Variants in FOXN3 observed in about 807,000 individuals in gnomAD.
FOXN3 encodes forkhead box N3.
A neutral mutation model predicts 38.4 loss-of-function variants in FOXN3; 7 were observed. That is an observed-to-expected ratio of 0.18 (90% CI 0.10 to 0.34). FOXN3 has a LOEUF of 0.34. FOXN3 is among the 10% of genes least tolerant of loss of function. FOXN3 has a pLI of 1.00. For missense variants in FOXN3, 456 were observed against 613.4 expected, an observed-to-expected ratio of 0.74 and a Z score of 2.71; for synonymous variants, 230 against 242.2, an observed-to-expected ratio of 0.95 and a Z score of 0.47.
At chr14:89,347,195 A>C (rs1285303819) in intron 3 of FOXN3, among the ~76,000 whole-genome samples, 2 of 152,188 alleles carry the variant, frequency 1.3e-5, no homozygotes, top group African/African-American at 4.8e-5. Flanking sequence ...GGCCATTGAA[A>C]ATGTAATTAG....
At chr14:89,595,730 T>C (rs1022459793) in intron 1 of FOXN3, among the ~76,000 whole-genome samples, 1 of 152,214 alleles carries the variant, frequency 6.6e-6, no homozygotes, top group African/African-American at 2.4e-5. Flanking sequence ...TGTGCAATAA[T>C]GAATAGAAGT....
At chr14:89,393,257 T>C (rs958568419) in intron 2 of FOXN3, among the ~76,000 whole-genome samples, 11 of 152,210 alleles carry the variant, frequency 7.2e-5, no homozygotes, top group Admixed American at 1.3e-4. Context: ...CTTCTTTTTA[T>C]AAGAATGCCA....
At chr14:89,243,758 A>G (rs1885208772) in intron 4 of FOXN3, among the ~76,000 whole-genome samples, 1 of 152,240 alleles carries the variant, frequency 6.6e-6, no homozygotes, top group Non-Finnish European at 1.5e-5. Flanking sequence ...AATTACCTCA[A>G]CAATCCTATT....
intron 1 of FOXN3, among the ~76,000 whole-genome samples, chr14:89,590,125 C>T (rs1895920645): frequency 6.6e-6 from 1 of 151,322 alleles, no homozygotes; most frequent in South Asian, 2.1e-4. Flanking sequence ...GCCAATGACA[C>T]ACAATAGAGA....
intron 3 of FOXN3, among the ~76,000 whole-genome samples, chr14:89,318,385 C>T (rs1887797433): frequency 6.6e-6 from 1 of 152,028 alleles, no homozygotes; most frequent in Non-Finnish European, 1.5e-5. Context: ...TCTCAAACTC[C>T]CGACCTCAGG....
chr14:89,296,500 T>C (rs1352372267), intron 3 of FOXN3, among the ~76,000 whole-genome samples: 1 of 152,168 alleles, frequency 6.6e-6, no homozygotes, highest in East Asian at 1.9e-4. Context: ...CTAATCACAA[T>C]TAGAATGGTG....
chr14:89,265,256 G>C (rs1305268381), intron 4 of FOXN3, among the ~76,000 whole-genome samples: 1 of 152,128 alleles, frequency 6.6e-6, no homozygotes, highest in Non-Finnish European at 1.5e-5. Flanking sequence ...GGAAAACCAG[G>C]AACAGTGATG....
At chr14:89,503,042 C>T (rs1025559739) in intron 1 of FOXN3, among the ~76,000 whole-genome samples, 1 of 152,158 alleles carries the variant, frequency 6.6e-6, no homozygotes, top group Non-Finnish European at 1.5e-5. Context: ...CTAAACTCAG[C>T]CCCAAGCGGG....
chr14:89,462,684 C>G (rs1283324229), intron 1 of FOXN3, among the ~76,000 whole-genome samples: 1 of 150,564 alleles, frequency 6.6e-6, no homozygotes, highest in Non-Finnish European at 1.5e-5. Context: ...TCTTCCTCTT[C>G]TTCTTTTTTT....
intron 2 of FOXN3, among the ~76,000 whole-genome samples, chr14:89,381,532 CAAAAA>C (rs71897384): frequency 1.3e-3 from 98 of 75,938 alleles, no homozygotes; most frequent in African/African-American, 4.3e-3. Context: ...CCTCAAAAAG[CAAAAA>C]AAAAAAAAAA....
At chr14:89,550,974 AT>A (rs1224556088) in intron 1 of FOXN3, among the ~76,000 whole-genome samples, 2 of 152,196 alleles carry the variant, frequency 1.3e-5, no homozygotes, top group East Asian at 3.9e-4. Context: ...TGTTGGAATA[AT>A]GGTGGGACGC....
chr14:89,445,298 T>G (rs1892470647), intron 1 of FOXN3, among the ~76,000 whole-genome samples: 1 of 152,142 alleles, frequency 6.6e-6, no homozygotes, highest in Non-Finnish European at 1.5e-5. Flanking sequence ...TCATGACCCT[T>G]AACTAGGAAA....
chr14:89,614,953 C>T (rs879904814), intron 1 of FOXN3, among the ~76,000 whole-genome samples: 2 of 152,162 alleles, frequency 1.3e-5, no homozygotes, highest in Non-Finnish European at 2.9e-5. Flanking sequence ...CTTTTCTCCT[C>T]TTCCCGAATT....
At chr14:89,326,835 G>A (rs539595872) in intron 3 of FOXN3, among the ~76,000 whole-genome samples, 2 of 152,166 alleles carry the variant, frequency 1.3e-5, no homozygotes, top group East Asian at 1.9e-4. Context: ...GTGGCATAAA[G>A]TAGGAAGAAT....
At chr14:89,185,185 C>T (rs550585609) in intron 4 of FOXN3, among the ~76,000 whole-genome samples, 3 of 152,318 alleles carry the variant, frequency 2.0e-5, no homozygotes, top group Admixed American at 1.3e-4. Flanking sequence ...CATTGGCAGT[C>T]TTCTCCATGG....
At chr14:89,317,434 T>C (rs1167658553) in intron 3 of FOXN3, among the ~76,000 whole-genome samples, 1 of 152,156 alleles carries the variant, frequency 6.6e-6, no homozygotes, top group Admixed American at 6.5e-5. Context: ...GGAAGAAATC[T>C]AGACACCCTG....
intron 3 of FOXN3, among the ~76,000 whole-genome samples, chr14:89,316,372 ATTCTTC>A (rs137854995): frequency 0.24 from 35,659 of 151,580 alleles, 4,641 homozygotes; most frequent in African/African-American, 0.35. Context: ...GCAAACAATG[ATTCTTC>A]TTCTTCTTCT....
At chr14:89,426,920 C>A (rs10132546) in intron 1 of FOXN3, among the ~76,000 whole-genome samples, 4,782 of 151,998 alleles carry the variant, frequency 0.031, 252 homozygotes, top group African/African-American at 0.1. Flanking sequence ...ACAAGGGAGA[C>A]AAAATTGTGA....
intron 1 of FOXN3, among the ~76,000 whole-genome samples, chr14:89,463,092 G>C (rs560996817): frequency 0.019 from 2,835 of 150,044 alleles, 48 homozygotes; most frequent in African/African-American, 0.049. Flanking sequence ...AGATTGAGAA[G>C]ATCTGGCTAA....
Sources: gnomAD v4.1 joint callset for allele counts (sites outside exome capture counted in the v4.1 genomes callset) on GRCh38, gnomAD v4.1.1 for gene constraint, MANE v1.5 for transcripts, NCBI Gene and HGNC (gene_info 2026-07-23, HGNC 2026-07-21) for gene names.